Variants in STXBP5L observed in about 807,000 individuals in gnomAD.
STXBP5L encodes syntaxin binding protein 5L, also known as syntaxin-binding protein 5-like.
A neutral mutation model predicts 144.5 loss-of-function variants in STXBP5L; 65 were observed. That is an observed-to-expected ratio of 0.45 (90% CI 0.37 to 0.55). The LOEUF is 0.55. Among genes scored for constraint, STXBP5L ranks in the 20% least tolerant of loss-of-function variants. STXBP5L has a pLI of 0.00. For missense variants in STXBP5L, 1,298 were observed against 1,405.5 expected (o/e 0.92, Z 1.22); for synonymous variants, 505 against 469.6 (o/e 1.08, Z -0.97).
intron 9 of STXBP5L, among the ~76,000 whole-genome samples, chr3:121,200,371 C>T (rs2048091435): frequency 6.6e-6 from 1 of 152,060 alleles, no homozygotes; most frequent in Non-Finnish European, 1.5e-5. Flanking sequence ...ATTCTTCTCT[C>T]TTTTCTTCTT....
chr3:121,322,040 C>G lies in STXBP5L; in HGVS notation c.2176+3500C>G, dbSNP rs146793350. Among the ~76,000 whole-genome samples, 462 of 152,232 alleles carry G rather than the reference C, an allele frequency of 3.0e-3. 3 individuals are homozygous for G. Among genetic ancestry groups the G allele is most frequent in the African/African-American group, 0.01 (431 of 41,546 alleles). On this transcript the variant is annotated intron_variant, in intron 20 of 26. Coordinates refer to ENST00000471454, the MANE Select transcript of STXBP5L (RefSeq NM_001308330.2). ...TTTCCCCTCTAGTAGCCCCCAGTGT[C>G]TATGGTTGCCATCCTTATGTCCATG... is the stretch of plus-strand genomic sequence containing the variant.
chr3:121,366,864 C>T (rs1462131975), intron 20 of STXBP5L, among the ~76,000 whole-genome samples: 1 of 151,990 alleles, frequency 6.6e-6, no homozygotes, highest in African/African-American at 2.4e-5. Flanking sequence ...GTTTAGCTGA[C>T]TGTTAAATGG....
intron 20 of STXBP5L, among the ~76,000 whole-genome samples, chr3:121,352,473 G>C (rs188607836): frequency 2.6e-5 from 4 of 151,960 alleles, no homozygotes; most frequent in African/African-American, 9.7e-5. Flanking sequence ...CTCATGATTT[G>C]GCTCTCTGTT....
intron 5 of STXBP5L, among the ~76,000 whole-genome samples, chr3:121,100,273 C>T (rs371058507): frequency 2.4e-4 from 37 of 152,130 alleles, no homozygotes; most frequent in African/African-American, 8.9e-4. Context: ...ACATAATACT[C>T]CACCCATCAA....
At chr3:121,358,040 T>G (rs768827919) in intron 20 of STXBP5L, 1 of 152,230 alleles carries the variant, frequency 6.6e-6, no homozygotes, top group Non-Finnish European at 1.5e-5. Flanking sequence ...ATGTTTTGAT[T>G]ACATGCAATG....
At chr3:121,151,101 AAAAG>A (rs897920667) in intron 7 of STXBP5L, among the ~76,000 whole-genome samples, 2 of 152,070 alleles carry the variant, frequency 1.3e-5, no homozygotes, top group Non-Finnish European at 2.9e-5. Flanking sequence ...CTCAAAAAAA[AAAAG>A]AAAGAAAAGA....
intron 3 of STXBP5L, among the ~76,000 whole-genome samples, chr3:121,012,070 T>C (rs1430891766): frequency 6.6e-6 from 1 of 151,946 alleles, no homozygotes; most frequent in Non-Finnish European, 1.5e-5. Flanking sequence ...AATCATGCCA[T>C]ATGTAGTCTT....
Position 121,394,602 on chromosome 3 carries a change from GTTT to G in STXBP5L, c.2588-12623_2588-12621del, listed in dbSNP as rs373859677. ...TCTTTGTATGTCTAGTTTGTTGAGGGTTTTTTTTTTTTTTTTTTTTGAGACAGT... is the reference window on the plus strand; with the variant it reads ...TCTTTGTATGTCTAGTTTGTTGAGGGTTTTTTTTTTTTTTTTTGAGACAGT... On this transcript the variant is annotated intron_variant, in intron 22 of 26. Transcript: ENST00000471454. Among the ~76,000 whole-genome samples, 190 of 99,724 alleles carry G rather than the reference GTTT, an allele frequency of 1.9e-3. 1 individual carries two copies. The highest frequency in any genetic ancestry group is 2.2e-3 in the Non-Finnish European group (118 of 53,074). The allele number at this position is 99,724 out of a possible 152,430, so 65.4% of individuals were successfully genotyped here. A position where few individuals can be genotyped will look rare whatever the true frequency, so the allele number is the denominator to read the frequency against.
At chr3:120,975,006 G>A (rs1940779568) in intron 3 of STXBP5L, among the ~76,000 whole-genome samples, 1 of 152,148 alleles carries the variant, frequency 6.6e-6, no homozygotes, top group Admixed American at 6.6e-5. Context: ...TTTTGGCTTA[G>A]GATTGACTTG....
At chr3:121,273,040 T>G (rs1358433602) in intron 18 of STXBP5L, among the ~76,000 whole-genome samples, 2 of 152,140 alleles carry the variant, frequency 1.3e-5, no homozygotes, top group African/African-American at 4.8e-5. Context: ...AAAGTTGATT[T>G]ATACACCATC....
intron 23 of STXBP5L, among the ~76,000 whole-genome samples, chr3:121,409,597 G>A (rs573165096): frequency 6.0e-4 from 91 of 151,982 alleles, no homozygotes; most frequent in African/African-American, 2.2e-3. Flanking sequence ...TGTACAGCCT[G>A]CAAGCATTAA....
chr3:121,343,988 ACTT>A, intron 20 of STXBP5L, among the ~76,000 whole-genome samples: 1 of 152,242 alleles, frequency 6.6e-6, no homozygotes, highest in African/African-American at 2.4e-5. Context: ...AAGCTACCGG[ACTT>A]CTAACTATAC....
At chr3:121,047,628 A>G (rs931868224) in intron 5 of STXBP5L, among the ~76,000 whole-genome samples, 3 of 151,818 alleles carry the variant, frequency 2.0e-5, no homozygotes, top group Non-Finnish European at 4.4e-5. Flanking sequence ...GTCTTTTTTG[A>G]TCTTTGTTAG....
At chr3:121,353,368 T>C (rs1342240273) in intron 20 of STXBP5L, among the ~76,000 whole-genome samples, 2 of 152,182 alleles carry the variant, frequency 1.3e-5, no homozygotes, top group Admixed American at 6.5e-5. Context: ...GAGCCTGTTA[T>C]TGGTCTATTC....
chr3:121,134,966 T>C (rs1479240576), intron 7 of STXBP5L, among the ~76,000 whole-genome samples: 2 of 151,866 alleles, frequency 1.3e-5, no homozygotes, highest in South Asian at 2.1e-4. Flanking sequence ...TTCTAGATCC[T>C]TGAGGAATCG....
intron 9 of STXBP5L, among the ~76,000 whole-genome samples, chr3:121,192,671 A>T (rs2047745522): frequency 6.6e-6 from 1 of 152,166 alleles, no homozygotes; most frequent in Admixed American, 6.5e-5. Flanking sequence ...AACACCACAC[A>T]TCTACAACCA....
chr3:120,993,780 C>T (rs182125026), intron 3 of STXBP5L, among the ~76,000 whole-genome samples: 2 of 152,094 alleles, frequency 1.3e-5, no homozygotes, highest in Admixed American at 1.3e-4. Context: ...TTTTGCTACT[C>T]AGGCTCTTTT....
intron 9 of STXBP5L, among the ~76,000 whole-genome samples, chr3:121,170,538 C>G (rs2046669754): frequency 6.6e-6 from 1 of 152,176 alleles, no homozygotes; most frequent in Non-Finnish European, 1.5e-5. Flanking sequence ...AAAATACAAA[C>G]TACCAGCAGA....
At chr3:120,975,078 A>G (rs1267102271) in intron 3 of STXBP5L, among the ~76,000 whole-genome samples, 1 of 152,198 alleles carries the variant, frequency 6.6e-6, no homozygotes, top group Non-Finnish European at 1.5e-5. Context: ...AATTCTGTGA[A>G]GAAAGTCATT....
Sources: allele counts gnomAD v4.1 joint callset (sites outside exome capture counted in the v4.1 genomes callset), GRCh38; gene constraint gnomAD v4.1.1; transcripts MANE v1.5; gene names NCBI Gene and HGNC (gene_info 2026-07-23, HGNC 2026-07-21).